Variants in CLASP1 observed in about 807,000 individuals in gnomAD.
The protein encoded by CLASP1 is CLIP-associating protein 1.
In CLASP1, 38 loss-of-function variants were observed where a neutral mutation model predicts 192.3. The observed-to-expected ratio is 0.20, with a 90% CI of 0.15 to 0.26. The LOEUF (loss-of-function observed/expected upper bound fraction) is 0.26, where lower values mean the gene tolerates loss of function less well. Among genes scored for constraint, CLASP1 ranks in the 10% least tolerant of loss-of-function variants. The pLI is 1.00. For synonymous variants in CLASP1, 691 were observed against 712.8 expected (o/e 0.97, Z 0.49); for missense variants, 1,433 against 1,932.5 (o/e 0.74, Z 4.85).
chr2:121,566,924 A>C (rs1559630933), intron 2 of CLASP1, among the ~76,000 whole-genome samples: 2 of 152,166 alleles, frequency 1.3e-5, no homozygotes, highest in Non-Finnish European at 2.9e-5. Context: ...TGCTTAAAAA[A>C]CAGCTTAACA....
chr2:121,542,854 T>C (rs1310339153), intron 2 of CLASP1, among the ~76,000 whole-genome samples: 1 of 152,184 alleles, frequency 6.6e-6, no homozygotes, highest in Non-Finnish European at 1.5e-5. Flanking sequence ...TTATTACACA[T>C]GAGGCCAGCA....
chr2:121,430,559 T>C (rs934016627), intron 19 of CLASP1, among the ~76,000 whole-genome samples: 1 of 152,002 alleles, frequency 6.6e-6, no homozygotes, highest in Non-Finnish European at 1.5e-5. Flanking sequence ...CTGACAAATT[T>C]CCAAAAACAG....
intron 8 of CLASP1, among the ~76,000 whole-genome samples, chr2:121,498,673 GTC>G (rs1450796671): frequency 6.6e-6 from 1 of 152,194 alleles, no homozygotes; most frequent in Non-Finnish European, 1.5e-5. Context: ...TCTGGTAAGA[GTC>G]TGGTATGTAG....
rs757795210 is a variant in CLASP1 at position 121,387,931 on chromosome 2, T to C, written c.3124-25A>G. On this transcript the variant is annotated intron_variant, in intron 30 of 39. Transcript: ENST00000263710. ...CCTAGAAAAAGGAACCATGATTAAT[T>C]TATGTAATGTACAATAGGTCATCAA... The C allele has an allele frequency of 1.7e-5, 26 of 1,572,948 alleles. 1 individual carries two copies. In the South Asian group the frequency reaches 2.9e-4, roughly 18 times the overall value.
chr2:121,531,525 G>T (rs968528158), intron 2 of CLASP1, among the ~76,000 whole-genome samples: 2 of 151,270 alleles, frequency 1.3e-5, no homozygotes, highest in Non-Finnish European at 2.9e-5. Context: ...AATCCGGGGG[G>T]GTGGAGCCTG....
intron 2 of CLASP1, among the ~76,000 whole-genome samples, chr2:121,533,601 T>C (rs770791252): frequency 6.6e-6 from 1 of 152,218 alleles, no homozygotes; most frequent in South Asian, 2.1e-4. Context: ...TACACAATTC[T>C]GTTTTATGGA....
chr2:121,538,432 A>C lies in CLASP1; in HGVS notation c.196-8107T>G, dbSNP rs539403887. 3.3e-5 allele frequency among the ~76,000 whole-genome samples: 5 copies of C among 151,942 alleles called. No individual in the cohort carries two copies. The South Asian group carries it at 1.0e-3, about 32-fold the overall frequency. On this transcript the variant is annotated intron_variant, in intron 2 of 39. Coordinates refer to ENST00000263710, the Ensembl canonical transcript of CLASP1. ...CGTCTCAAAAAATTTTTTTAAAAAAAGTATGAAAATTGACAAAAAAAGATT... is the reference window on the plus strand; with the variant it reads ...CGTCTCAAAAAATTTTTTTAAAAAACGTATGAAAATTGACAAAAAAAGATT...
chr2:121,633,125 A>C (rs1279227483), intron 1 of CLASP1, among the ~76,000 whole-genome samples: 3 of 151,510 alleles, frequency 2.0e-5, no homozygotes, highest in Non-Finnish European at 4.4e-5. Flanking sequence ...TAAATTTTTA[A>C]TTCATGTGTA....
intron 1 of CLASP1, among the ~76,000 whole-genome samples, chr2:121,623,116 C>G (rs531591321): frequency 6.6e-6 from 1 of 152,082 alleles, no homozygotes; most frequent in Admixed American, 6.6e-5. Context: ...ATGTCTTGTT[C>G]CTAATCTTAG....
At chr2:121,390,598 A>G (rs10496565) in intron 30 of CLASP1, among the ~76,000 whole-genome samples, 18,998 of 152,240 alleles carry the variant, frequency 0.12, 2,042 homozygotes, top group East Asian at 0.49. Context: ...CTTATAGCAG[A>G]AAGGAATTCT....
chr2:121,478,744 ACACACAC>A, intron 8 of CLASP1, among the ~76,000 whole-genome samples: 1 of 49,328 alleles, frequency 2.0e-5, no homozygotes, highest in Non-Finnish European at 4.1e-5. Context: ...CACACACCCC[ACACACAC>A]CACACACACA....
At chr2:121,344,721 TTCTAG>T (rs760894662) in intron 39 of CLASP1, among the ~76,000 whole-genome samples, 2 of 152,264 alleles carry the variant, frequency 1.3e-5, no homozygotes, top group East Asian at 3.9e-4. Flanking sequence ...TTCTCTTTGT[TTCTAG>T]TCAAGGAAAT....
intron 8 of CLASP1, among the ~76,000 whole-genome samples, chr2:121,489,961 T>C (rs2093210134): frequency 6.6e-6 from 1 of 152,196 alleles, no homozygotes; most frequent in South Asian, 2.1e-4. Flanking sequence ...TTTATGTTCA[T>C]AACCCTCATA....
At chr2:121,495,571 G>C (rs1289186016) in intron 8 of CLASP1, among the ~76,000 whole-genome samples, 1 of 152,104 alleles carries the variant, frequency 6.6e-6, no homozygotes, top group Non-Finnish European at 1.5e-5. Context: ...TGAGGCAGGA[G>C]AAGCGCTCGA....
At chr2:121,401,807 C>A in intron 27 of CLASP1, 61 bp downstream of exon 28, 1 of 802,136 alleles carries the variant, frequency 1.2e-6, no homozygotes, top group Non-Finnish European at 2.2e-6. Flanking sequence ...AACAACTGTT[C>A]ATAGTACAGA....
chr2:121,384,484 A>C (rs925061269), intron 32 of CLASP1, among the ~76,000 whole-genome samples: 8 of 152,170 alleles, frequency 5.3e-5, no homozygotes, highest in African/African-American at 1.9e-4. Flanking sequence ...CACGGTGTCC[A>C]GCCACTAGTG....
At chr2:121,560,069 C>G (rs1352545071) in intron 2 of CLASP1, among the ~76,000 whole-genome samples, 1 of 151,874 alleles carries the variant, frequency 6.6e-6, no homozygotes, top group Non-Finnish European at 1.5e-5. Flanking sequence ...TACCATGGCA[C>G]TGTAAGAAGC....
intron 19 of CLASP1, among the ~76,000 whole-genome samples, chr2:121,437,988 T>A (rs1297807766): frequency 6.6e-6 from 1 of 152,264 alleles, no homozygotes; most frequent in African/African-American, 2.4e-5. Flanking sequence ...TTTATTTCTT[T>A]TAAACACTTT....
At chr2:121,515,835 C>A in intron 6 of CLASP1, 73 bp from the exon 7 acceptor site, 1 of 1,114,814 alleles carries the variant, frequency 9.0e-7, no homozygotes, top group Non-Finnish European at 1.4e-6. Context: ...ACACAACAGG[C>A]CATATACCAC....
Sources: allele counts gnomAD v4.1 joint callset (sites outside exome capture counted in the v4.1 genomes callset), GRCh38; gene constraint gnomAD v4.1.1; transcripts MANE v1.5; gene names NCBI Gene and HGNC (gene_info 2026-07-23, HGNC 2026-07-21).